HMCN1: variants seen among roughly 807,000 people sequenced by gnomAD.
The protein encoded by HMCN1 is hemicentin-1.
Under a neutral mutation model 625.9 loss-of-function variants are expected in HMCN1, and 321 were observed. The observed-to-expected ratio is 0.51, with a 90% CI of 0.47 to 0.56. The LOEUF (loss-of-function observed/expected upper bound fraction) is 0.56. HMCN1 is among the 20% of genes least tolerant of loss of function. HMCN1 has a pLI of 0.00. For missense variants in HMCN1, 6,588 were observed against 6,887.3 expected (o/e 0.96, Z 1.54); for synonymous variants, 2,425 against 2,417.6 (o/e 1.00, Z -0.09).
chr1:186,164,972 C>T, intron 97 of HMCN1, 139 bp from the exon 98 acceptor site: 1 of 760,252 alleles, frequency 1.3e-6, no homozygotes, highest in Non-Finnish European at 2.3e-6. Flanking sequence ...GTTTTCCATG[C>T]CTGCTTATTT....
rs538876716 is a variant in HMCN1 at position 186,087,657 on chromosome 1, A to T, written c.9363+12A>T. The T allele has an allele frequency of 1.9e-6, 3 of 1,611,466 alleles. No individual in the cohort carries two copies. In the African/African-American group the frequency reaches 4.0e-5, roughly 22 times the overall value. On this transcript the variant is annotated intron_variant, in intron 60 of 106. Coordinates refer to ENST00000271588, the MANE Select transcript of HMCN1 (RefSeq NM_031935.3). ...TTAAGAAAGCTGAGGTGCATCTTTT[A>T]TTCTTGTTTGAGTGTCATGACACCT...
At chr1:186,098,995 G>A (rs147188153) in intron 68 of HMCN1, among the ~76,000 whole-genome samples, 122 of 152,174 alleles carry the variant, frequency 8.0e-4, no homozygotes, top group Non-Finnish European at 1.4e-3. Context: ...GTAGTGAATA[G>A]GACAGTGGTT....
intron 4 of HMCN1, among the ~76,000 whole-genome samples, chr1:185,882,365 A>G (rs1420039434): frequency 1.4e-5 from 2 of 143,480 alleles, no homozygotes; most frequent in Admixed American, 6.8e-5. Flanking sequence ...TTTTTTTTTC[A>G]GTTTTAATGT....
At position 185,846,177 on chromosome 1, in the gene HMCN1, A is replaced by T. The variant is rs915284233; in HGVS notation, c.339+81A>T. 1.8e-5 allele frequency: 20 copies of T among 1,119,138 alleles called. No individual in the cohort carries two copies. In the African/African-American group the frequency reaches 2.2e-4, roughly 12 times the overall value. The allele number at this position is 1,119,138 out of a possible 1,614,324, so 69.3% of individuals were successfully genotyped here. Reference sequence around the variant, plus strand: ...CTGATTTTCTTTATTTTTTAAATCTAAAAGACATAGTTGTTGGCTTTTTAA... The same window carrying T: ...CTGATTTTCTTTATTTTTTAAATCTTAAAGACATAGTTGTTGGCTTTTTAA... On this transcript the variant is annotated intron_variant, in intron 2 of 106. Transcript: ENST00000271588.
chr1:185,954,007 G>A (rs1289918933), intron 11 of HMCN1, among the ~76,000 whole-genome samples: 9 of 151,424 alleles, frequency 5.9e-5, no homozygotes, highest in African/African-American at 1.5e-4. Context: ...GCCAGGATGA[G>A]CCAGGAAAAG....
intron 69 of HMCN1, 68 bp downstream of exon 69, chr1:186,103,736 T>G (rs1203413372): frequency 3.7e-6 from 5 of 1,338,768 alleles, no homozygotes; most frequent in Non-Finnish European, 5.3e-6. Context: ...TATATGAGAT[T>G]TGTTAAATTA....
At chr1:185,770,117 T>A (rs547286429) in intron 1 of HMCN1, among the ~76,000 whole-genome samples, 20 of 152,140 alleles carry the variant, frequency 1.3e-4, no homozygotes, top group Non-Finnish European at 2.4e-4. Context: ...TCTAGTACAT[T>A]TTATAATGCG....
intron 73 of HMCN1, 136 bp downstream of exon 73, chr1:186,114,259 A>G: frequency 2.1e-6 from 2 of 965,556 alleles, no homozygotes; most frequent in South Asian, 1.4e-5. Flanking sequence ...AAAATTTAGT[A>G]TTTTATTATT....
intron 95 of HMCN1, among the ~76,000 whole-genome samples, chr1:186,152,310 C>T (rs537662771): frequency 4.2e-4 from 64 of 152,232 alleles, no homozygotes; most frequent in African/African-American, 1.2e-3. Context: ...GGCTTGAGGA[C>T]GGCTTATCTT....
At chr1:186,105,752 G>A (rs1226334473) in intron 69 of HMCN1, among the ~76,000 whole-genome samples, 1 of 152,280 alleles carries the variant, frequency 6.6e-6, no homozygotes, top group Admixed American at 6.5e-5. Flanking sequence ...AAGTTGTCAG[G>A]AAATATTTTG....
chr1:185,928,087 T>C (rs1054819064), intron 9 of HMCN1, among the ~76,000 whole-genome samples: 3 of 152,154 alleles, frequency 2.0e-5, no homozygotes, highest in African/African-American at 4.8e-5. Flanking sequence ...AAGTGGAGCT[T>C]ATCTAAAAGA....
chr1:185,865,625 AC>A (rs1663134389), intron 3 of HMCN1, 115 bp from the exon 4 acceptor site: 73 of 756,046 alleles, frequency 9.7e-5, no homozygotes, highest in Middle Eastern at 3.7e-4. Flanking sequence ...ACACACACAC[AC>A]ACACATTCAC....
intron 47 of HMCN1, 80 bp downstream of exon 47, chr1:186,062,044 C>G: frequency 1.2e-6 from 1 of 839,960 alleles, no homozygotes; most frequent in Non-Finnish European, 2.0e-6. Context: ...TTATTTACCA[C>G]TTGATCTCAT....
At chr1:186,039,213 T>C (rs188272036) in intron 38 of HMCN1, among the ~76,000 whole-genome samples, 257 of 152,340 alleles carry the variant, frequency 1.7e-3, no homozygotes, top group African/African-American at 5.9e-3. Flanking sequence ...TTAAGTTTGC[T>C]TTCAATTAGT....
intron 4 of HMCN1, among the ~76,000 whole-genome samples, chr1:185,889,977 A>T (rs1346034738): frequency 6.7e-6 from 1 of 150,036 alleles, no homozygotes; most frequent in African/African-American, 2.5e-5. Flanking sequence ...GATTATTGCC[A>T]CAATTTCAGA....
chr1:185,744,489 A>G (rs933787469), intron 1 of HMCN1, among the ~76,000 whole-genome samples: 3 of 152,228 alleles, frequency 2.0e-5, no homozygotes, highest in South Asian at 2.1e-4. Context: ...AAGATAAGCC[A>G]TTAGATCCAC....
intron 4 of HMCN1, among the ~76,000 whole-genome samples, chr1:185,873,011 T>C (rs1663715499): frequency 6.6e-6 from 1 of 152,098 alleles, no homozygotes; most frequent in Non-Finnish European, 1.5e-5. Flanking sequence ...AAGAAGCTTA[T>C]ATAATGCTTC....
intron 83 of HMCN1, 55 bp downstream of exon 83, chr1:186,128,346 C>T (rs571528324): frequency 4.5e-5 from 62 of 1,381,234 alleles, no homozygotes; most frequent in Admixed American, 2.4e-4. Flanking sequence ...GAACTCTAGA[C>T]GAAGCTCTGT....
intron 2 of HMCN1, among the ~76,000 whole-genome samples, chr1:185,853,508 A>G (rs1353719353): frequency 6.6e-6 from 1 of 152,116 alleles, no homozygotes; most frequent in Non-Finnish European, 1.5e-5. Context: ...GCATCTATTA[A>G]AACTTTAGTT....
Sources: gnomAD v4.1 joint callset for allele counts (sites outside exome capture counted in the v4.1 genomes callset) on GRCh38, gnomAD v4.1.1 for gene constraint, MANE v1.5 for transcripts, NCBI Gene and HGNC (gene_info 2026-07-23, HGNC 2026-07-21) for gene names.